The following RCAN1 variants were observed in gnomAD, a reference collection of about 807,000 sequenced individuals.
RCAN1 encodes regulator of calcineurin 1.
A neutral mutation model predicts 22.9 loss-of-function variants in RCAN1; 11 were observed. The observed-to-expected ratio is 0.48, with a 90% CI of 0.30 to 0.79. The LOEUF (loss-of-function observed/expected upper bound fraction) is 0.79, where lower values mean the gene tolerates loss of function less well. Among genes scored for constraint, RCAN1 ranks in the 30% least tolerant of loss-of-function variants. The pLI is 0.06. For missense variants in RCAN1, 291 were observed against 337.8 expected, an observed-to-expected ratio of 0.86 and a Z score of 1.09; for synonymous variants, 136 against 142.3, an observed-to-expected ratio of 0.96 and a Z score of 0.32.
chr21:34,576,803 T>C (rs1388991571), intron 1 of RCAN1, among the ~76,000 whole-genome samples: 1 of 152,228 alleles, frequency 6.6e-6, no homozygotes, highest in Non-Finnish European at 1.5e-5. Flanking sequence ...CAAAGATAGC[T>C]AATGGATAAT....
At chr21:34,550,507 C>G (rs1263842162) in intron 1 of RCAN1, among the ~76,000 whole-genome samples, 1 of 152,144 alleles carries the variant, frequency 6.6e-6, no homozygotes, top group African/African-American at 2.4e-5. Flanking sequence ...GGACACCAGA[C>G]AGAGAAAAGA....
chr21:34,563,948 AGAGT>A (rs1455013932), intron 1 of RCAN1, among the ~76,000 whole-genome samples: 2 of 151,430 alleles, frequency 1.3e-5, no homozygotes. Context: ...CGTGGGCGAC[AGAGT>A]GAGACTCTGT....
chr21:34,602,566 G>A (rs1221449137), intron 1 of RCAN1, among the ~76,000 whole-genome samples: 1 of 151,264 alleles, frequency 6.6e-6, no homozygotes, highest in African/African-American at 2.4e-5. Context: ...TTTACTGATT[G>A]CGGACCAGAC....
At chr21:34,529,481 C>T (rs898938216) in intron 1 of RCAN1, among the ~76,000 whole-genome samples, 2 of 152,206 alleles carry the variant, frequency 1.3e-5, no homozygotes, top group African/African-American at 4.8e-5. Context: ...GCTTATCTGA[C>T]AATTCTTGCT....
chr21:34,579,731 G>A (rs1047800814), intron 1 of RCAN1, among the ~76,000 whole-genome samples: 1 of 151,998 alleles, frequency 6.6e-6, no homozygotes, highest in Admixed American at 6.6e-5. Flanking sequence ...AATTATTCGA[G>A]AGTCTCAAAA....
chr21:34,607,206 G>T (rs1275700647), intron 1 of RCAN1, among the ~76,000 whole-genome samples: 2 of 152,158 alleles, frequency 1.3e-5, no homozygotes, highest in African/African-American at 2.4e-5. Context: ...AACTGCTCTT[G>T]ATACTCAGAA....
At chr21:34,566,823 C>T (rs1224489819) in intron 1 of RCAN1, among the ~76,000 whole-genome samples, 1 of 152,120 alleles carries the variant, frequency 6.6e-6, no homozygotes, top group Non-Finnish European at 1.5e-5. Context: ...TGTCACATGG[C>T]AAGAGAAAGA....
chr21:34,604,601 G>A (rs1988467650), intron 1 of RCAN1, among the ~76,000 whole-genome samples: 1 of 152,238 alleles, frequency 6.6e-6, no homozygotes, highest in Non-Finnish European at 1.5e-5. Context: ...AAGCTGTGTG[G>A]AAGAGAACTA....
intron 1 of RCAN1, chr21:34,613,954 C>A: frequency 1.1e-6 from 1 of 930,896 alleles, no homozygotes; most frequent in Non-Finnish European, 1.5e-6. Flanking sequence ...GTGACGCCCA[C>A]GTTGTCCACA....
intron 1 of RCAN1, 21 bp from the exon 2 acceptor site, chr21:34,523,731 T>C: frequency 1.2e-6 from 2 of 1,602,566 alleles, no homozygotes; most frequent in South Asian, 1.1e-5. Flanking sequence ...ACAATAAAAA[T>C]AAAAGGAGTT....
intron 1 of RCAN1, among the ~76,000 whole-genome samples, chr21:34,565,652 C>T (rs1986976725): frequency 6.6e-6 from 1 of 152,196 alleles, no homozygotes; most frequent in Non-Finnish European, 1.5e-5. Flanking sequence ...ACATGGCCTA[C>T]ACAAGAAATG....
intron 1 of RCAN1, among the ~76,000 whole-genome samples, chr21:34,590,740 G>T (rs1987944505): frequency 6.6e-6 from 1 of 152,212 alleles, no homozygotes; most frequent in Non-Finnish European, 1.5e-5. Context: ...GCCCCTGAGT[G>T]CAGGGCTTCA....
intron 1 of RCAN1, among the ~76,000 whole-genome samples, chr21:34,611,350 A>T (rs1988682949): frequency 6.6e-6 from 1 of 152,250 alleles, no homozygotes; most frequent in Non-Finnish European, 1.5e-5. Flanking sequence ...TAACAGTGTG[A>T]ATCTAATACA....
At chr21:34,592,400 C>T (rs1988003992) in intron 1 of RCAN1, among the ~76,000 whole-genome samples, 1 of 152,182 alleles carries the variant, frequency 6.6e-6, no homozygotes, top group African/African-American at 2.4e-5. Flanking sequence ...AAAAAAGCTT[C>T]GATAAACCCC....
At chr21:34,603,230 G>A (rs979183181) in intron 1 of RCAN1, among the ~76,000 whole-genome samples, 1 of 152,190 alleles carries the variant, frequency 6.6e-6, no homozygotes, top group African/African-American at 2.4e-5. Flanking sequence ...CCCCCCGGCG[G>A]CGACCGCTGG....
At chr21:34,553,737 A>G (rs1986453936) in intron 1 of RCAN1, among the ~76,000 whole-genome samples, 3 of 152,368 alleles carry the variant, frequency 2.0e-5, no homozygotes, top group East Asian at 1.9e-4. Flanking sequence ...CCTGTAGCAC[A>G]GTGCTGGGTT....
intron 1 of RCAN1, among the ~76,000 whole-genome samples, chr21:34,569,305 G>T (rs1987150530): frequency 6.6e-6 from 1 of 152,212 alleles, no homozygotes; most frequent in African/African-American, 2.4e-5. Context: ...TGCAGAGAGA[G>T]AATTTTTTTA....
intron 1 of RCAN1, among the ~76,000 whole-genome samples, chr21:34,610,906 TG>T (rs1426687586): frequency 6.6e-6 from 1 of 152,222 alleles, no homozygotes; most frequent in African/African-American, 2.4e-5. Context: ...GAGTTGTTTT[TG>T]TTTTTTTTAG....
chr21:34,608,688 T>C (rs1988605589), intron 1 of RCAN1, among the ~76,000 whole-genome samples: 1 of 152,216 alleles, frequency 6.6e-6, no homozygotes, highest in African/African-American at 2.4e-5. Context: ...TTAACATTTA[T>C]TATTTAAGCC....
Sources: allele counts gnomAD v4.1 joint callset (sites outside exome capture counted in the v4.1 genomes callset), GRCh38; gene constraint gnomAD v4.1.1; transcripts MANE v1.5; gene names NCBI Gene and HGNC (gene_info 2026-07-23, HGNC 2026-07-21).